TGFBR3: variants seen among roughly 807,000 people sequenced by gnomAD.
The protein encoded by TGFBR3 is transforming growth factor beta receptor 3.
In TGFBR3, 46 loss-of-function variants were observed where a neutral mutation model predicts 87.9. That is an observed-to-expected ratio of 0.52 (90% CI 0.41 to 0.67). The LOEUF is 0.67. Ranked by LOEUF, TGFBR3 falls within the 30% of genes least tolerant of loss-of-function variation. TGFBR3 has a pLI of 0.00. For synonymous variants in TGFBR3, 381 were observed against 391.6 expected (o/e 0.97, Z 0.32); for missense variants, 866 against 1,041.9 (o/e 0.83, Z 2.32).
At chr1:91,850,372 T>C (rs1460571465) in intron 2 of TGFBR3, among the ~76,000 whole-genome samples, 4 of 152,244 alleles carry the variant, frequency 2.6e-5, no homozygotes, top group Admixed American at 6.5e-5. Context: ...TGTAGTATTA[T>C]AACTTTAACT....
chr1:91,885,365 G>GT (rs1316705117), intron 1 of TGFBR3, among the ~76,000 whole-genome samples: 1 of 137,932 alleles, frequency 7.2e-6, no homozygotes, highest in Non-Finnish European at 1.6e-5. Flanking sequence ...ACCGGGGCGG[G>GT]GGGGGGCCGA....
intron 2 of TGFBR3, among the ~76,000 whole-genome samples, chr1:91,822,494 C>T (rs1676486448): frequency 6.6e-6 from 1 of 151,990 alleles, no homozygotes; most frequent in South Asian, 2.1e-4. Context: ...TATTAGCCTT[C>T]CCAAATCCTC....
Position 91,683,779 on chromosome 1 carries a change from C to T in TGFBR3, c.2516G>A (p.Ser839Asn). 1 of 1,603,662 alleles carries T rather than the reference C, an allele frequency of 6.2e-7. No homozygotes were observed. The highest frequency in any genetic ancestry group is 8.5e-7 in the Non-Finnish European group (1 of 1,176,518). ...GCTGGAGCAAGGCGTGCTCTGCGTG[C>T]TGCCGATGCTGTGGGCAGCACTGCT... ...ENSSAAHSIG[S>N]TQSTPCSSSS... The change falls in exon 17 of 17, where the codon AGC becomes AAC. Residue 839 changes from serine (S) to asparagine (N), a missense_variant. Ser to Asn is a conservative substitution (Grantham distance 46). Coordinates refer to ENST00000212355, the MANE Select transcript of TGFBR3 (RefSeq NM_003243.5).
upstream of TGFBR3, among the ~76,000 whole-genome samples, chr1:91,890,409 C>CTTTTTTTTTTTTTTT (rs1175619952): frequency 3.1e-4 from 19 of 60,386 alleles, 7 homozygotes; most frequent in Admixed American, 1.2e-3. Flanking sequence ...TCTCTATAAT[C>CTTTTTTTTTTTTTTT]TTTTTTTTTT....
At chr1:91,695,318 A>T (rs1671395983) in intron 16 of TGFBR3, among the ~76,000 whole-genome samples, 1 of 152,074 alleles carries the variant, frequency 6.6e-6, no homozygotes, top group Non-Finnish European at 1.5e-5. Context: ...TTTCTTTTTC[A>T]CTTCCTCTCA....
intron 2 of TGFBR3, among the ~76,000 whole-genome samples, chr1:91,821,753 T>C (rs1366571804): frequency 1.3e-5 from 2 of 152,222 alleles, no homozygotes; most frequent in African/African-American, 2.4e-5. Context: ...CCTGGTTCTG[T>C]CTATACCATC....
chr1:91,831,787 T>C (rs866846752), intron 2 of TGFBR3, among the ~76,000 whole-genome samples: 1 of 152,228 alleles, frequency 6.6e-6, no homozygotes, highest in Admixed American at 6.5e-5. Context: ...TCAAAACACG[T>C]AACAATTAAT....
At chr1:91,849,496 C>T (rs1173049591) in intron 2 of TGFBR3, among the ~76,000 whole-genome samples, 2 of 152,190 alleles carry the variant, frequency 1.3e-5, no homozygotes, top group African/African-American at 4.8e-5. Context: ...TCCTCCAAAC[C>T]TTTGCTCAAT....
chr1:91,844,856 T>C (rs1242208608), intron 2 of TGFBR3, among the ~76,000 whole-genome samples: 1 of 152,200 alleles, frequency 6.6e-6, no homozygotes, highest in East Asian at 1.9e-4. Context: ...AAGGCTTTCA[T>C]AATTCCTCAT....
At chr1:91,851,526 A>T (rs988655626) in intron 2 of TGFBR3, among the ~76,000 whole-genome samples, 1 of 152,150 alleles carries the variant, frequency 6.6e-6, no homozygotes, top group East Asian at 1.9e-4. Context: ...CACTTCCAAA[A>T]TCAGCGTGCT....
chr1:91,858,232 T>C (rs1157067380), intron 2 of TGFBR3, among the ~76,000 whole-genome samples: 4 of 152,150 alleles, frequency 2.6e-5, no homozygotes. Flanking sequence ...CCAGATGAGC[T>C]AAATTCAGCT....
At chr1:91,902,489 C>T (rs888038026) in intron 1 of TGFBR3, among the ~76,000 whole-genome samples, 1 of 151,980 alleles carries the variant, frequency 6.6e-6, no homozygotes, top group Non-Finnish European at 1.5e-5. Flanking sequence ...TGCCATTTTG[C>T]CCAGGCTGGT....
chr1:91,778,106 G>A (rs1014421811), intron 3 of TGFBR3, among the ~76,000 whole-genome samples: 4 of 150,844 alleles, frequency 2.7e-5, no homozygotes, highest in Admixed American at 6.6e-5. Context: ...ATTTTCCCAA[G>A]TATTCAGAGA....
At chr1:91,875,910 CAAA>C (rs34185299) in intron 1 of TGFBR3, among the ~76,000 whole-genome samples, 1 of 64,150 alleles carries the variant, frequency 1.6e-5, no homozygotes. Flanking sequence ...GACTCCGTCT[CAAA>C]AAAAAAAAAA....
At position 91,719,296 on chromosome 1, in the gene TGFBR3, T is replaced by C. The variant is rs769647512; in HGVS notation, c.1566+16A>G. 26 of 1,614,010 alleles carry C rather than the reference T, an allele frequency of 1.6e-5. No individual in the cohort carries two copies. The highest frequency in any genetic ancestry group is 2.2e-5 in the Non-Finnish European group (26 of 1,180,010). ...GCTCTGGCAAAGGGCAAAGCTTTGTTCTGGAAAACACTCACGGAGTTATAG... is the reference window on the plus strand; with the variant it reads ...GCTCTGGCAAAGGGCAAAGCTTTGTCCTGGAAAACACTCACGGAGTTATAG... On this transcript the variant is annotated intron_variant, in intron 10 of 16. Transcript: ENST00000212355.
intron 9 of TGFBR3, 116 bp downstream of exon 9, chr1:91,719,777 G>T (rs1028927449): frequency 4.2e-6 from 5 of 1,184,888 alleles, no homozygotes; most frequent in African/African-American, 1.5e-5. Flanking sequence ...TGAGAAAACA[G>T]TATCAAGCCT....
intron 2 of TGFBR3, among the ~76,000 whole-genome samples, chr1:91,815,736 T>C (rs1676198699): frequency 6.6e-6 from 1 of 151,958 alleles, no homozygotes; most frequent in African/African-American, 2.4e-5. Context: ...CTATAAACTC[T>C]AAGTGAGATC....
intron 16 of TGFBR3, among the ~76,000 whole-genome samples, chr1:91,687,969 C>T (rs1671145336): frequency 6.6e-6 from 1 of 152,194 alleles, no homozygotes; most frequent in Non-Finnish European, 1.5e-5. Flanking sequence ...GATCTCCTAA[C>T]TGTAATTAAT....
At chr1:91,744,880 T>C (rs1308875419) in intron 4 of TGFBR3, among the ~76,000 whole-genome samples, 1 of 152,218 alleles carries the variant, frequency 6.6e-6, no homozygotes, top group Non-Finnish European at 1.5e-5. Context: ...AAGTCATGGA[T>C]GGAGTCATCT....
Sources: gnomAD v4.1 joint callset for allele counts (sites outside exome capture counted in the v4.1 genomes callset) on GRCh38, gnomAD v4.1.1 for gene constraint, MANE v1.5 for transcripts, NCBI Gene and HGNC (gene_info 2026-07-23, HGNC 2026-07-21) for gene names.